Variants in RANBP2 observed in about 807,000 individuals in gnomAD.
RANBP2 encodes E3 SUMO-protein ligase RanBP2.
A neutral mutation model predicts 303.6 loss-of-function variants in RANBP2; 57 were observed. That is an observed-to-expected ratio of 0.19 (90% CI 0.15 to 0.23). The LOEUF is 0.23. RANBP2 is among the 10% of genes least tolerant of loss of function. The pLI is 1.00. For missense variants in RANBP2, 3,138 were observed against 3,780.8 expected, an observed-to-expected ratio of 0.83 and a Z score of 4.46; for synonymous variants, 1,167 against 1,301.5, an observed-to-expected ratio of 0.90 and a Z score of 2.23.
chr2:108,897,834 C>T, the RANBP2 span, among the ~76,000 whole-genome samples: 3 of 152,180 alleles, frequency 2.0e-5, no homozygotes, highest in African/African-American at 7.2e-5. Flanking sequence ...CCACTAAGTA[C>T]AGCTAAAAGC....
At chr2:109,602,901 C>CATAAAA in the RANBP2 span, among the ~76,000 whole-genome samples, 1 of 110,396 alleles carries the variant, frequency 9.1e-6, no homozygotes, top group East Asian at 2.7e-4. Flanking sequence ...GACCCTGTCT[C>CATAAAA]AAAAAAAAAA....
chr2:109,424,595 A>C, the RANBP2 span, among the ~76,000 whole-genome samples: 1 of 152,174 alleles, frequency 6.6e-6, no homozygotes, highest in African/African-American at 2.4e-5. Flanking sequence ...TAATTCTTAT[A>C]ATATTTCAAA....
At chr2:109,401,328 A>G in the RANBP2 span, among the ~76,000 whole-genome samples, 1 of 152,232 alleles carries the variant, frequency 6.6e-6, no homozygotes, top group South Asian at 2.1e-4. Flanking sequence ...GGTACCCCTA[A>G]GAAGAGGACT....
the RANBP2 span, among the ~76,000 whole-genome samples, chr2:108,917,528 CAT>C: frequency 2.0e-5 from 3 of 152,202 alleles, no homozygotes; most frequent in South Asian, 6.2e-4. Flanking sequence ...ACCCCATAAA[CAT>C]GTGCAATTAT....
At chr2:109,527,382 GA>G in the RANBP2 span, among the ~76,000 whole-genome samples, 3 of 152,186 alleles carry the variant, frequency 2.0e-5, no homozygotes, top group South Asian at 2.1e-4. Context: ...CCTGCAGCGG[GA>G]AAGGAGTTTG....
the RANBP2 span, among the ~76,000 whole-genome samples, chr2:109,277,377 A>T: frequency 6.6e-6 from 1 of 151,910 alleles, no homozygotes; most frequent in Non-Finnish European, 1.5e-5. Flanking sequence ...TCTTTATGTG[A>T]CCCCGGCCTC....
chr2:109,228,123 T>C, the RANBP2 span, among the ~76,000 whole-genome samples: 10 of 152,330 alleles, frequency 6.6e-5, no homozygotes, highest in East Asian at 1.9e-3. Context: ...CTCTAATGGC[T>C]GTGTTTTCAT....
At chr2:109,437,269 C>T in the RANBP2 span, 1 of 1,402,700 alleles carries the variant, frequency 7.1e-7, no homozygotes, top group Non-Finnish European at 9.5e-7. Flanking sequence ...AGCTTCATGG[C>T]AGCTGGAGAA....
the RANBP2 span, among the ~76,000 whole-genome samples, chr2:109,046,996 C>G: frequency 4.5e-4 from 69 of 152,218 alleles, no homozygotes; most frequent in East Asian, 1.9e-4. Flanking sequence ...CTGCACCCGG[C>G]CTGCCCTGCC....
At chr2:108,725,685 C>T (rs1156676363) in intron 1 of RANBP2, among the ~76,000 whole-genome samples, 2 of 151,820 alleles carry the variant, frequency 1.3e-5, no homozygotes, top group East Asian at 1.9e-4. Flanking sequence ...GAGCTGAGAT[C>T]GAGCCACTGC....
At chr2:109,763,814 T>A in the RANBP2 span, among the ~76,000 whole-genome samples, 3 of 149,650 alleles carry the variant, frequency 2.0e-5, no homozygotes, top group Non-Finnish European at 3.0e-5. Flanking sequence ...TTGATGGACA[T>A]CATTTTCCAA....
At chr2:109,355,524 C>G in the RANBP2 span, among the ~76,000 whole-genome samples, 8 of 152,238 alleles carry the variant, frequency 5.3e-5, no homozygotes, top group South Asian at 2.1e-4. Context: ...TGACCTACAA[C>G]TCCTGAAATA....
chr2:109,352,541 G>A, the RANBP2 span, among the ~76,000 whole-genome samples: 11 of 152,334 alleles, frequency 7.2e-5, no homozygotes, highest in East Asian at 1.9e-4. Flanking sequence ...GGGCCGAGAC[G>A]ATGAGGAAAC....
chr2:109,314,623 G>A, the RANBP2 span, among the ~76,000 whole-genome samples: 1 of 152,172 alleles, frequency 6.6e-6, no homozygotes, highest in Non-Finnish European at 1.5e-5. Context: ...CACTCTCCAT[G>A]GTCTTTAAAG....
At chr2:108,995,580 A>G in the RANBP2 span, among the ~76,000 whole-genome samples, 1 of 152,210 alleles carries the variant, frequency 6.6e-6, no homozygotes, top group Non-Finnish European at 1.5e-5. Context: ...ACCTCTTCCC[A>G]GCCTCCCTTC....
At chr2:109,209,483 T>C in the RANBP2 span, among the ~76,000 whole-genome samples, 1 of 152,192 alleles carries the variant, frequency 6.6e-6, no homozygotes, top group Non-Finnish European at 1.5e-5. Flanking sequence ...CAAACACTCC[T>C]GAGCTGGGAG....
chr2:109,315,996 T>C, the RANBP2 span, among the ~76,000 whole-genome samples: 1 of 152,220 alleles, frequency 6.6e-6, no homozygotes, highest in Non-Finnish European at 1.5e-5. Flanking sequence ...TGTGAGATTA[T>C]ATGTGCATGC....
the RANBP2 span, among the ~76,000 whole-genome samples, chr2:109,008,071 G>A: frequency 6.6e-6 from 1 of 152,138 alleles, no homozygotes; most frequent in African/African-American, 2.4e-5. Context: ...CAACATGAGA[G>A]CATTTTACGG....
chr2:109,490,485 T>A, the RANBP2 span: 1 of 918,646 alleles, frequency 1.1e-6, no homozygotes, highest in Non-Finnish European at 1.5e-6. Flanking sequence ...GTCTTTTGTC[T>A]GAAAAAATAA....
Sources: allele counts gnomAD v4.1 joint callset (sites outside exome capture counted in the v4.1 genomes callset), GRCh38; gene constraint gnomAD v4.1.1; transcripts MANE v1.5; gene names NCBI Gene and HGNC (gene_info 2026-07-23, HGNC 2026-07-21).